The following FRYL variants were observed in gnomAD, a reference collection of about 807,000 sequenced individuals.
FRYL encodes protein furry homolog-like.
FRYL carries 150 observed loss-of-function variants against 351.2 expected under a neutral mutation model. The ratio of observed to expected loss-of-function variants is 0.43; its 90% CI spans 0.37 to 0.49. The LOEUF is 0.49. FRYL is among the 20% of genes least tolerant of loss of function. The probability of loss-of-function intolerance (pLI) is 0.00; values close to 1 mark genes in which losing one functional copy is unlikely to be tolerated. For synonymous variants in FRYL, 1,153 were observed against 1,257.1 expected, an observed-to-expected ratio of 0.92 and a Z score of 1.75; for missense variants, 3,036 against 3,619.3, an observed-to-expected ratio of 0.84 and a Z score of 4.13.
At chr4:48,714,814 A>G (rs2149598174) in intron 1 of FRYL, among the ~76,000 whole-genome samples, 1 of 149,838 alleles carries the variant, frequency 6.7e-6, no homozygotes, top group South Asian at 2.2e-4. Flanking sequence ...GCAGAGACAC[A>G]ACCAAAAAAG....
intron 16 of FRYL, among the ~76,000 whole-genome samples, chr4:48,593,271 C>CAAAA (rs35026740): frequency 0.014 from 1,835 of 133,654 alleles, 28 homozygotes; most frequent in Middle Eastern, 0.031. Flanking sequence ...AAAAAACAAC[C>CAAAA]AAAAAAAAAA....
At chr4:48,618,325 C>T (rs1027428304) in intron 7 of FRYL, 1 of 151,994 alleles carries the variant, frequency 6.6e-6, no homozygotes, top group African/African-American at 2.4e-5. Context: ...AAAATAAAAG[C>T]TAAATAAAAC....
Position 48,665,738 on chromosome 4 carries a change from C to A in FRYL, c.-81+18935G>T, listed in dbSNP as rs1253959276. 3.3e-5 allele frequency among the ~76,000 whole-genome samples: 5 copies of A among 152,116 alleles called. No individual in the cohort carries two copies. In the South Asian group the frequency reaches 8.3e-4, roughly 25 times the overall value. ...AGCTGTTTTGAGCATGAAGTAGGTA[C>A]TATTAATAATGATGCCAGAAAAGAG... On this transcript the variant is annotated intron_variant, in intron 3 of 63. Transcript: ENST00000358350.
intron 57 of FRYL, among the ~76,000 whole-genome samples, chr4:48,512,011 T>C (rs1445459974): frequency 6.6e-6 from 1 of 152,178 alleles, no homozygotes; most frequent in Non-Finnish European, 1.5e-5. Context: ...TAGTGGGTAC[T>C]CAATAAATTT....
chr4:48,764,319 A>G (rs1774722640), intron 1 of FRYL, among the ~76,000 whole-genome samples: 1 of 152,132 alleles, frequency 6.6e-6, no homozygotes, highest in South Asian at 2.1e-4. Context: ...GCTTGAGTCC[A>G]GGAGTTCAAG....
At chr4:48,779,547 C>CCA (rs913704554) in intron 1 of FRYL, among the ~76,000 whole-genome samples, 1 of 151,958 alleles carries the variant, frequency 6.6e-6, no homozygotes, top group Non-Finnish European at 1.5e-5. Flanking sequence ...CCGGGGCCCG[C>CCA]CAGCCGCCGC....
intron 1 of FRYL, among the ~76,000 whole-genome samples, chr4:48,726,551 G>A (rs1208327458): frequency 3.3e-5 from 5 of 152,042 alleles, no homozygotes; most frequent in East Asian, 1.9e-4. Context: ...GCATGGTGGC[G>A]TATGCCTGTA....
chr4:48,779,417 ACAGCGCCC>A (rs1560391291), intron 1 of FRYL, among the ~76,000 whole-genome samples: 2 of 152,058 alleles, frequency 1.3e-5, no homozygotes, highest in Non-Finnish European at 2.9e-5. Context: ...CTGCGCGGGC[ACAGCGCCC>A]GCACCCCTCC....
intron 1 of FRYL, among the ~76,000 whole-genome samples, chr4:48,711,247 G>A (rs777768755): frequency 8.2e-4 from 125 of 152,354 alleles, no homozygotes; most frequent in Non-Finnish European, 1.4e-3. Flanking sequence ...TGCGCGAGCC[G>A]AAGCAGGATG....
At chr4:48,537,366 GT>G (rs1262152513) in intron 47 of FRYL, among the ~76,000 whole-genome samples, 2 of 152,150 alleles carry the variant, frequency 1.3e-5, no homozygotes, top group African/African-American at 4.8e-5. Flanking sequence ...TCCAAAAAGA[GT>G]GTGTTTTATA....
At chr4:48,616,141 A>G (rs1431139798) in intron 7 of FRYL, among the ~76,000 whole-genome samples, 2 of 151,988 alleles carry the variant, frequency 1.3e-5, no homozygotes, top group Non-Finnish European at 2.9e-5. Flanking sequence ...TGGGTGCAGC[A>G]AACCATCATG....
rs1016337128 is a variant in FRYL at position 48,581,299 on chromosome 4, T to C, written c.2172+121A>G. On this transcript the variant is annotated intron_variant, in intron 21 of 63. Coordinates refer to ENST00000358350, the MANE Select transcript of FRYL (RefSeq NM_015030.2). ...TGATCCGCCCGACTCGGCCTCCCAA[T>C]TGAGAACGGTAGGTTAGTTTAGACC... is the stretch of plus-strand genomic sequence containing the variant. The C allele has an allele frequency of 5.1e-6, 4 of 778,594 alleles. No homozygotes were observed. In the East Asian group the frequency reaches 1.1e-4, roughly 22 times the overall value. The allele number at this position is 778,594 out of a possible 1,614,324, so 48.2% of individuals were successfully genotyped here. A position where few individuals can be genotyped will look rare whatever the true frequency, so the allele number is the denominator to read the frequency against.
At chr4:48,560,947 G>A (rs75098705) in intron 33 of FRYL, among the ~76,000 whole-genome samples, 69 of 152,244 alleles carry the variant, frequency 4.5e-4, no homozygotes, top group African/African-American at 1.5e-3. Flanking sequence ...CCCAGTGTTG[G>A]AGCATGGCCA....
chr4:48,676,855 A>T (rs558423654), intron 3 of FRYL, among the ~76,000 whole-genome samples: 1 of 152,370 alleles, frequency 6.6e-6, no homozygotes, highest in South Asian at 2.1e-4. Flanking sequence ...GTTTACACTG[A>T]AACAACTCTT....
chr4:48,507,576 C>T (rs994235414), intron 59 of FRYL, among the ~76,000 whole-genome samples: 31 of 152,028 alleles, frequency 2.0e-4, no homozygotes, highest in Non-Finnish European at 7.4e-5. Flanking sequence ...GAGCCCAATA[C>T]CCGCCCCAGT....
In FRYL at chr4:48,664,288, G is replaced by A. The variant is rs190531245; in HGVS notation, c.-81+20385C>T. Among the ~76,000 whole-genome samples the A allele has an allele frequency of 4.6e-5, 7 of 152,290 alleles. No homozygotes were observed. In the East Asian group the frequency reaches 5.8e-4, roughly 13 times the overall value. ...CAGGCCACTTGACTGGTTAGGTGGC[G>A]AGGGGACTTGCAGAGGACACAGTGG... On this transcript the variant is annotated intron_variant, in intron 3 of 63. Coordinates refer to ENST00000358350, the MANE Select transcript of FRYL (RefSeq NM_015030.2).
chr4:48,774,316 CA>C (rs775328137), intron 1 of FRYL, among the ~76,000 whole-genome samples: 2 of 152,118 alleles, frequency 1.3e-5, no homozygotes, highest in African/African-American at 2.4e-5. Context: ...CAAAACTTAA[CA>C]TATCAAAACT....
intron 2 of FRYL, among the ~76,000 whole-genome samples, chr4:48,694,435 T>C (rs949476048): frequency 6.6e-6 from 1 of 152,074 alleles, no homozygotes; most frequent in Admixed American, 6.5e-5. Context: ...TAGCTGGGAT[T>C]ACAGGCATGT....
chr4:48,523,144 T>C, intron 53 of FRYL, 40 bp from the exon 54 acceptor site: 1 of 1,334,632 alleles, frequency 7.5e-7, no homozygotes, highest in South Asian at 1.2e-5. Context: ...CTCAAATACA[T>C]GCTTCTAAAT....
Sources: allele counts gnomAD v4.1 joint callset (sites outside exome capture counted in the v4.1 genomes callset), GRCh38; gene constraint gnomAD v4.1.1; transcripts MANE v1.5; gene names NCBI Gene and HGNC (gene_info 2026-07-23, HGNC 2026-07-21).